The following CFTR variants were observed in gnomAD, a reference collection of about 807,000 sequenced individuals.
CFTR encodes CF transmembrane conductance regulator.
A neutral mutation model predicts 171.6 loss-of-function variants in CFTR; 181 were observed. The observed-to-expected ratio is 1.05, with a 90% CI of 0.93 to 1.19. The LOEUF (loss-of-function observed/expected upper bound fraction) is 1.19. CFTR is among the 50% of genes most tolerant of loss of function. The pLI is 0.00. For synonymous variants in CFTR, 583 were observed against 608.0 expected, an observed-to-expected ratio of 0.96 and a Z score of 0.60; for missense variants, 1,968 against 1,734.7, an observed-to-expected ratio of 1.13 and a Z score of -2.39.
intron 24 of CFTR, among the ~76,000 whole-genome samples, chr7:117,660,326 T>C (rs1172594540): frequency 6.6e-6 from 1 of 152,104 alleles, no homozygotes; most frequent in African/African-American, 2.4e-5. Context: ...TTTCTAATGA[T>C]AGTATTAACA....
At chr7:117,630,694 G>A (rs560836561) in intron 22 of CFTR, among the ~76,000 whole-genome samples, 8 of 152,260 alleles carry the variant, frequency 5.3e-5, no homozygotes, top group African/African-American at 1.9e-4. Flanking sequence ...TGTGCATGTG[G>A]GGCTCCAGTC....
chr7:117,480,761 C>T (rs1052379130), intron 1 of CFTR, among the ~76,000 whole-genome samples: 1 of 152,006 alleles, frequency 6.6e-6, no homozygotes, highest in African/African-American at 2.4e-5. Flanking sequence ...ATTTTAAAAG[C>T]CATAGGAATA....
chr7:117,520,640 C>G (rs568596215), intron 3 of CFTR, among the ~76,000 whole-genome samples: 1 of 151,980 alleles, frequency 6.6e-6, no homozygotes, highest in South Asian at 2.1e-4. Context: ...CAGTCTATTT[C>G]TTTGTCATGT....
chr7:117,625,721 T>C (rs1448041086), intron 21 of CFTR, among the ~76,000 whole-genome samples: 2 of 152,200 alleles, frequency 1.3e-5, no homozygotes, highest in Admixed American at 1.3e-4. Context: ...ATACTATTCT[T>C]ATGCAGGATA....
chr7:117,493,613 G>A lies in CFTR; in HGVS notation c.54-10640G>A, dbSNP rs117253888. 6.1e-4 allele frequency among the ~76,000 whole-genome samples: 92 copies of A among 152,034 alleles called. 1 individual carries two copies. In the East Asian group the frequency reaches 0.015, roughly 24 times the overall value. ...AAAGCTTGAAGAAAATGAAAGTAGC[G>A]TTAGTATTGGTCCTCAAACTCAAGA... On this transcript the variant is annotated intron_variant, in intron 1 of 26. Coordinates refer to ENST00000003084, the MANE Select transcript of CFTR (RefSeq NM_000492.4).
intron 3 of CFTR, among the ~76,000 whole-genome samples, chr7:117,516,368 A>G (rs750669777): frequency 6.6e-6 from 1 of 152,302 alleles, no homozygotes; most frequent in South Asian, 2.1e-4. Context: ...ACTGTATAGT[A>G]TAGCTATAGT....
At chr7:117,650,560 C>T (rs1793074150) in intron 23 of CFTR, among the ~76,000 whole-genome samples, 1 of 152,050 alleles carries the variant, frequency 6.6e-6, no homozygotes, top group African/African-American at 2.4e-5. Flanking sequence ...GTGTTGATGC[C>T]GTAACATCTT....
At chr7:117,658,684 C>G (rs1182276660) in intron 24 of CFTR, among the ~76,000 whole-genome samples, 1 of 152,150 alleles carries the variant, frequency 6.6e-6, no homozygotes, top group Non-Finnish European at 1.5e-5. Flanking sequence ...AGACCTGGGA[C>G]TCATCTTTCA....
At chr7:117,574,463 G>T (rs1307439419) in intron 11 of CFTR, among the ~76,000 whole-genome samples, 1 of 151,934 alleles carries the variant, frequency 6.6e-6, no homozygotes, top group Non-Finnish European at 1.5e-5. Context: ...TTATATAAAT[G>T]TTTCAGTCCA....
intron 10 of CFTR, among the ~76,000 whole-genome samples, chr7:117,554,482 A>C (rs897334009): frequency 4.6e-5 from 7 of 152,250 alleles, no homozygotes; most frequent in South Asian, 4.1e-4. Context: ...ATTAAGTTTG[A>C]AATGCCTATT....
rs776586449 is a variant in CFTR, at chr7:117,540,319, C to T, written c.1089C>T (p.Asp363=). The change falls in exon 8 of 27, where the codon GAC becomes GAT. Residue 363 remains aspartate, a synonymous_variant. Coordinates refer to ENST00000003084, the MANE Select transcript of CFTR (RefSeq NM_000492.4). ...QFPWAVQTWY[D]SLGAINKIQD... is the part of the protein sequence containing the mutation. ...CCTGGGCTGTACAAACATGGTATGA[C>T]TCTCTTGGAGCAATAAACAAAATAC... 1 of 1,613,840 alleles carries T rather than the reference C, an allele frequency of 6.2e-7. No homozygotes were observed. The highest frequency in any genetic ancestry group is 2.2e-5 in the East Asian group (1 of 44,884).
intron 13 of CFTR, among the ~76,000 whole-genome samples, chr7:117,591,666 A>C (rs1004101729): frequency 3.9e-5 from 6 of 152,148 alleles, no homozygotes; most frequent in African/African-American, 1.4e-4. Context: ...ATTTGCTCAA[A>C]GTCAAATATC....
chr7:117,585,528 A>T lies in CFTR; in HGVS notation c.1585-2211A>T, dbSNP rs540515410. 5.3e-4 allele frequency among the ~76,000 whole-genome samples: 80 copies of T among 152,342 alleles called. No individual in the cohort carries two copies. The highest frequency in any genetic ancestry group is 1.8e-3 in the African/African-American group (76 of 41,586). ...TCCTGCTTTTTAATAATGTATTAGA[A>T]AATTTGCCTCTTTTTCAAAAGCCTA... On this transcript the variant is annotated intron_variant, in intron 11 of 26. Transcript: ENST00000003084.
At chr7:117,606,290 A>G (rs1792299222) in intron 17 of CFTR, among the ~76,000 whole-genome samples, 1 of 152,168 alleles carries the variant, frequency 6.6e-6, no homozygotes, top group Non-Finnish European at 1.5e-5. Flanking sequence ...GTTATAGAAT[A>G]CAAATGGAAG....
chr7:117,539,455 A>G (rs973018172), intron 7 of CFTR, among the ~76,000 whole-genome samples: 4 of 151,958 alleles, frequency 2.6e-5, no homozygotes, highest in East Asian at 1.9e-4. Context: ...AATCCTGGAA[A>G]CCTACTGAGA....
intron 22 of CFTR, among the ~76,000 whole-genome samples, chr7:117,632,703 T>C (rs1325558078): frequency 6.6e-6 from 1 of 151,986 alleles, no homozygotes; most frequent in Non-Finnish European, 1.5e-5. Context: ...AGAACACTAG[T>C]GTTGGTGGCA....
rs147968679 is a variant in CFTR at position 117,629,739 on chromosome 7, A to C, written c.3717+1969A>C. ...CTGTTGAGGCCTCGTGAGAGAGCTTAATCTAAAACAATGACTTCCTATAAT... is the reference window on the plus strand; with the variant it reads ...CTGTTGAGGCCTCGTGAGAGAGCTTCATCTAAAACAATGACTTCCTATAAT... On this transcript the variant is annotated intron_variant, in intron 22 of 26. Transcript: ENST00000003084. Among the ~76,000 whole-genome samples, 487 of 152,306 alleles carry C rather than the reference A, an allele frequency of 3.2e-3. 1 individual carries two copies. The highest frequency in any genetic ancestry group is 6.8e-3 in the Middle Eastern group (2 of 294).
chr7:117,517,846 A>G (rs1798618322), intron 3 of CFTR, among the ~76,000 whole-genome samples: 1 of 152,168 alleles, frequency 6.6e-6, no homozygotes, highest in South Asian at 2.1e-4. Flanking sequence ...GGCTGCATAA[A>G]TGTCTTCTTT....
chr7:117,549,073 A>G (rs1227667250), intron 10 of CFTR, among the ~76,000 whole-genome samples: 3 of 152,250 alleles, frequency 2.0e-5, no homozygotes, highest in Admixed American at 1.3e-4. Context: ...TCAACACTGT[A>G]TCTTGCACAT....
Sources: gnomAD v4.1 joint callset for allele counts (sites outside exome capture counted in the v4.1 genomes callset) on GRCh38, gnomAD v4.1.1 for gene constraint, MANE v1.5 for transcripts, NCBI Gene and HGNC (gene_info 2026-07-23, HGNC 2026-07-21) for gene names.